Variants in TBP observed in about 807,000 individuals in gnomAD.
TBP encodes the protein TATA-box-binding protein.
In TBP, 12 loss-of-function variants were observed where a neutral mutation model predicts 46.2. The observed-to-expected ratio is 0.26, with a 90% CI of 0.17 to 0.42. The LOEUF (loss-of-function observed/expected upper bound fraction) is 0.42, where lower values mean the gene tolerates loss of function less well. TBP is among the 10% of genes least tolerant of loss of function. TBP has a pLI of 1.00. For missense variants in TBP, 229 were observed against 403.1 expected (o/e 0.57, Z 3.70); for synonymous variants, 157 against 148.3 (o/e 1.06, Z -0.42).
chr6:170,556,687 G>C (rs1023600151), intron 1 of TBP, among the ~76,000 whole-genome samples, 195 bp from the exon 2 acceptor site: 1 of 151,928 alleles, frequency 6.6e-6, no homozygotes, highest in Non-Finnish European at 1.5e-5. Context: ...TTTTTGTTTT[G>C]TTGGCGATTT....
At chr6:170,569,911 T>C in intron 6 of TBP, 132 bp downstream of exon 6, 1 of 841,404 alleles carries the variant, frequency 1.2e-6, no homozygotes, top group African/African-American at 1.7e-5. Flanking sequence ...TATGTATTCT[T>C]GCATTGTCTT....
chr6:170,567,330 C>G (rs1326465141), intron 5 of TBP: 1 of 153,496 alleles, frequency 6.5e-6, no homozygotes, highest in Non-Finnish European at 1.4e-5. Flanking sequence ...ACTAAAAATA[C>G]AAAAATTAGC....
At chr6:170,563,897 G>A (rs1779194951) in intron 3 of TBP, among the ~76,000 whole-genome samples, 1 of 152,108 alleles carries the variant, frequency 6.6e-6, no homozygotes, top group Non-Finnish European at 1.5e-5. Flanking sequence ...TTGCTTTTTA[G>A]TATATCTTTA....
At chr6:170,563,299 T>C (rs1338590169) in intron 3 of TBP, among the ~76,000 whole-genome samples, 1 of 152,232 alleles carries the variant, frequency 6.6e-6, no homozygotes, top group Non-Finnish European at 1.5e-5. Context: ...GTGCCTTTGC[T>C]GTTCTGATAC....
chr6:170,564,790 G>A (rs1391126882), intron 4 of TBP, among the ~76,000 whole-genome samples, 158 bp downstream of exon 4: 1 of 151,494 alleles, frequency 6.6e-6, no homozygotes, highest in Non-Finnish European at 1.5e-5. Flanking sequence ...GGAGGCTGAG[G>A]AAGGAGAATT....
chr6:170,557,165 T>A, intron 2 of TBP, 82 bp downstream of exon 2: 1 of 1,310,116 alleles, frequency 7.6e-7, no homozygotes, highest in Non-Finnish European at 1.1e-6. Flanking sequence ...GAAGGGCATT[T>A]AATGATCTGT....
At chr6:170,570,752 G>C (rs1035145867) in intron 6 of TBP, among the ~76,000 whole-genome samples, 1 of 151,978 alleles carries the variant, frequency 6.6e-6, no homozygotes, top group Non-Finnish European at 1.5e-5. Flanking sequence ...ACAATCATTC[G>C]AACCCAGGAG....
At chr6:170,559,436 A>G (rs1779098013) in intron 2 of TBP, among the ~76,000 whole-genome samples, 1 of 152,244 alleles carries the variant, frequency 6.6e-6, no homozygotes, top group African/African-American at 2.4e-5. Context: ...AAAGCAAAAC[A>G]GCCTTATTGC....
In TBP at chr6:170,572,686, A is replaced by T. The variant is rs1488330466; in HGVS notation, c.*421A>T. The T allele has an allele frequency of 1.2e-5, 2 of 173,628 alleles. No individual in the cohort carries two copies. Among genetic ancestry groups the T allele is most frequent in the East Asian group, 1.7e-4 (1 of 5,832 alleles). 10.8% of individuals were successfully genotyped at this position (173,628 alleles called of 1,614,324 possible). ...TACCAGAAAAGTAAAAATCTTTTTT[A>T]AAAGTGTTGTTTTTCTAATTTATAA... is the stretch of plus-strand genomic sequence containing the variant. On this transcript the variant is annotated 3_prime_UTR_variant, in exon 8 of 8. Coordinates refer to ENST00000392092, the MANE Select transcript of TBP (RefSeq NM_003194.5).
At chr6:170,565,777 C>A (rs1278562554) in intron 4 of TBP, among the ~76,000 whole-genome samples, 1 of 152,048 alleles carries the variant, frequency 6.6e-6, no homozygotes, top group Non-Finnish European at 1.5e-5. Context: ...AGGTTTTAAA[C>A]TAAAATTGTT....
rs1464477804 is a variant in TBP at position 170,566,920 on chromosome 6, G to T, written c.588G>T (p.Arg196=). The part of the protein sequence containing the change: ...RARNAEYNPK[R]FAAVIMRIRE... ...ATGATTCTCTCTGACCATTGTAGCG[G>T]TTTGCTGCGGTAATCATGAGGATAA... The change falls in exon 5 of 8, where the codon CGG becomes CGT. Residue 196 remains arginine (R), a splice_region_variant and synonymous_variant. Coordinates refer to ENST00000392092, the MANE Select transcript of TBP (RefSeq NM_003194.5). 6.2e-7 allele frequency: 1 copy of T among 1,612,716 alleles called. No homozygotes were observed. Among genetic ancestry groups the T allele is most frequent in the African/African-American group, 1.3e-5 (1 of 74,898 alleles).
chr6:170,562,207 G>T lies in TBP; in HGVS notation c.471G>T (p.Glu157Asp). 1 of 1,614,140 alleles carries T rather than the reference G, an allele frequency of 6.2e-7. No individual in the cohort carries two copies. Among genetic ancestry groups the T allele is most frequent in the Admixed American group, 1.7e-5 (1 of 60,024 alleles). ...TPITPATPASESSGIVPQLQN... is the reference protein window; with the variant it reads ...TPITPATPASDSSGIVPQLQN... ...TCACTCCTGCCACGCCAGCTTCGGA[G>T]AGTTCTGGGATTGTACCGCAGCTGC... The change falls in exon 3 of 8, where the codon GAG becomes GAT. Residue 157 changes from glutamate to aspartate, a missense_variant. Physicochemically the swap from Glu to Asp is conservative, Grantham distance 45. Coordinates refer to ENST00000392092, the MANE Select transcript of TBP (RefSeq NM_003194.5).
intron 3 of TBP, 21 bp downstream of exon 3, chr6:170,562,254 G>T (rs1779163801): frequency 2.5e-6 from 4 of 1,604,408 alleles, no homozygotes; most frequent in Non-Finnish European, 3.4e-6. Context: ...CGTGTTTTAT[G>T]TTTCCTCCCA....
intron 1 of TBP, 46 bp from the exon 2 acceptor site, chr6:170,556,836 G>A (rs571347269): frequency 1.7e-6 from 1 of 592,696 alleles, no homozygotes; most frequent in South Asian, 2.1e-5. Context: ...GACTGTACAG[G>A]TTACCTGGAT....
chr6:170,561,928 G>GCAA lies in TBP; in HGVS notation c.194_195insACA (p.Gln95dup), dbSNP rs748407795. ...AAAGGCAGCAGCAGCAACAACAACA[G>GCAA]CAGCAGCAGCAGCAGCAGCAGCAAC... is the stretch of plus-strand genomic sequence containing the variant. On this transcript the variant is annotated inframe_insertion, in exon 3 of 8. Transcript: ENST00000392092. 8.4e-7 allele frequency: 1 copy of GCAA among 1,189,980 alleles called. No individual in the cohort carries two copies. Among genetic ancestry groups the GCAA allele is most frequent in the Non-Finnish European group, 1.2e-6 (1 of 829,036 alleles). The allele number at this position is 1,189,980 out of a possible 1,614,324, so 73.7% of individuals were successfully genotyped here.
intron 6 of TBP, 94 bp from the exon 7 acceptor site, chr6:170,571,316 T>C: frequency 1.2e-6 from 1 of 807,422 alleles, no homozygotes; most frequent in Non-Finnish European, 2.0e-6. Context: ...TTGACTAGTT[T>C]GTTTATTCAG....
intron 4 of TBP, among the ~76,000 whole-genome samples, chr6:170,564,972 C>A (rs1443780338): frequency 6.6e-6 from 1 of 152,048 alleles, no homozygotes; most frequent in Admixed American, 6.5e-5. Flanking sequence ...TCCTGGCCAA[C>A]ATAGTGAAAC....
intron 4 of TBP, among the ~76,000 whole-genome samples, chr6:170,564,885 G>C (rs1779215841): frequency 6.6e-6 from 1 of 151,880 alleles, no homozygotes; most frequent in Non-Finnish European, 1.5e-5. Flanking sequence ...GGCCGGGCTT[G>C]GTGGCTCACA....
chr6:170,555,877 A>G (rs1429599718), intron 1 of TBP, among the ~76,000 whole-genome samples: 3 of 152,198 alleles, frequency 2.0e-5, no homozygotes, highest in Non-Finnish European at 2.9e-5. Flanking sequence ...GCCAAGGACT[A>G]TATCCTCCTA....
Sources: allele counts gnomAD v4.1 joint callset (sites outside exome capture counted in the v4.1 genomes callset), GRCh38; gene constraint gnomAD v4.1.1; transcripts MANE v1.5; gene names NCBI Gene and HGNC (gene_info 2026-07-23, HGNC 2026-07-21).